HEMK2: variants seen among roughly 807,000 people sequenced by gnomAD.
The protein encoded by HEMK2 is HemK methyltransferase 2, ETF1 glutamine and histone H4 lysine.
At chr21:28,685,445 T>C in the HEMK2 span, among the ~76,000 whole-genome samples, 1 of 152,144 alleles carries the variant, frequency 6.6e-6, no homozygotes. Context: ...CTCCCTCTTT[T>C]TTAAACTTTA....
the HEMK2 span, among the ~76,000 whole-genome samples, chr21:28,617,533 A>G: frequency 6.6e-6 from 1 of 152,178 alleles, no homozygotes; most frequent in African/African-American, 2.4e-5. Flanking sequence ...TCACAATACT[A>G]TGAGTTCTCT....
chr21:28,762,261 C>T, the HEMK2 span, among the ~76,000 whole-genome samples: 2 of 152,068 alleles, frequency 1.3e-5, no homozygotes, highest in Non-Finnish European at 2.9e-5. Flanking sequence ...CTTGCTATTC[C>T]TGTAATCCTT....
chr21:28,607,226 C>G, the HEMK2 span, among the ~76,000 whole-genome samples: 2 of 151,964 alleles, frequency 1.3e-5, no homozygotes, highest in African/African-American at 4.8e-5. Context: ...GCCTGGGCAA[C>G]ATGGTGCAAC....
At chr21:28,740,029 C>T in the HEMK2 span, among the ~76,000 whole-genome samples, 1 of 152,204 alleles carries the variant, frequency 6.6e-6, no homozygotes, top group South Asian at 2.1e-4. Context: ...TTCATCCCAA[C>T]ACCTTGTGTA....
chr21:28,697,697 A>G, the HEMK2 span, among the ~76,000 whole-genome samples: 1 of 143,442 alleles, frequency 7.0e-6, no homozygotes, highest in East Asian at 2.2e-4. Flanking sequence ...CACTTTCACC[A>G]TGAGTGGAAG....
chr21:28,823,223 T>C, the HEMK2 span, among the ~76,000 whole-genome samples: 1 of 152,132 alleles, frequency 6.6e-6, no homozygotes, highest in South Asian at 2.1e-4. Flanking sequence ...AGTTGACAAT[T>C]TTATATCCAA....
chr21:28,780,824 C>T, the HEMK2 span, among the ~76,000 whole-genome samples: 68 of 152,282 alleles, frequency 4.5e-4, no homozygotes, highest in Middle Eastern at 3.4e-3. Flanking sequence ...TTCAACCCCC[C>T]CTCCTGGTGG....
chr21:28,716,760 T>A, the HEMK2 span, among the ~76,000 whole-genome samples: 1 of 152,204 alleles, frequency 6.6e-6, no homozygotes, highest in Non-Finnish European at 1.5e-5. Flanking sequence ...TAGACAACTC[T>A]TATTGTTTTG....
the HEMK2 span, among the ~76,000 whole-genome samples, chr21:28,728,615 G>T: frequency 1.3e-5 from 2 of 152,150 alleles, no homozygotes; most frequent in East Asian, 1.9e-4. Context: ...TAAAAAAAAT[G>T]GATCCAATCC....
chr21:28,697,856 A>C, the HEMK2 span, among the ~76,000 whole-genome samples: 1 of 152,098 alleles, frequency 6.6e-6, no homozygotes, highest in African/African-American at 2.4e-5. Flanking sequence ...AGTAATACAA[A>C]CAAACAGACA....
chr21:28,828,666 C>T, the HEMK2 span, among the ~76,000 whole-genome samples: 1 of 152,158 alleles, frequency 6.6e-6, no homozygotes, highest in Admixed American at 6.5e-5. Flanking sequence ...TCTGCATTGA[C>T]CAACTGCTGT....
the HEMK2 span, among the ~76,000 whole-genome samples, chr21:28,743,801 A>C: frequency 1.4e-4 from 21 of 152,302 alleles, no homozygotes; most frequent in Non-Finnish European, 2.5e-4. Flanking sequence ...GGATCATGCA[A>C]ATGTGTCTGG....
the HEMK2 span, among the ~76,000 whole-genome samples, chr21:28,798,695 T>C: frequency 6.6e-6 from 1 of 152,014 alleles, no homozygotes; most frequent in Non-Finnish European, 1.5e-5. Flanking sequence ...AGATGAATAG[T>C]AGTCATGGTG....
the HEMK2 span, among the ~76,000 whole-genome samples, chr21:28,789,589 ATTCT>A: frequency 6.6e-6 from 1 of 152,232 alleles, no homozygotes; most frequent in Non-Finnish European, 1.5e-5. Context: ...AAGTAGGTAA[ATTCT>A]TTCTAGAGTG....
chr21:28,727,090 G>C, the HEMK2 span, among the ~76,000 whole-genome samples: 1 of 152,060 alleles, frequency 6.6e-6, no homozygotes, highest in Non-Finnish European at 1.5e-5. Context: ...ACATGAAAAG[G>C]GCAAGTGTGG....
the HEMK2 span, among the ~76,000 whole-genome samples, chr21:28,816,715 C>T: frequency 4.6e-5 from 7 of 152,158 alleles, no homozygotes. Context: ...AGAAGAGATA[C>T]AGCTGAAGAA....
chr21:28,659,164 C>G, the HEMK2 span, among the ~76,000 whole-genome samples: 2 of 151,950 alleles, frequency 1.3e-5, no homozygotes, highest in South Asian at 2.1e-4. Context: ...GTCTGATAAA[C>G]TAGTTTCTGA....
the HEMK2 span, among the ~76,000 whole-genome samples, chr21:28,670,195 C>A: frequency 6.6e-6 from 1 of 151,878 alleles, no homozygotes; most frequent in Non-Finnish European, 1.5e-5. Context: ...ATTGTGTTAA[C>A]CTCAATCAAA....
the HEMK2 span, among the ~76,000 whole-genome samples, chr21:28,727,017 T>A: frequency 2.6e-5 from 4 of 152,126 alleles, no homozygotes; most frequent in Non-Finnish European, 5.9e-5. Context: ...GTTCACAGGG[T>A]CCCTTTGCTT....
Sources: allele counts gnomAD v4.1 joint callset (sites outside exome capture counted in the v4.1 genomes callset), GRCh38; gene constraint gnomAD v4.1.1; transcripts MANE v1.5; gene names NCBI Gene and HGNC (gene_info 2026-07-23, HGNC 2026-07-21).